The following GSK3B variants were observed in gnomAD, a reference collection of about 807,000 sequenced individuals.
GSK3B encodes the protein glycogen synthase kinase-3 beta.
In GSK3B, 15 loss-of-function variants were observed where a neutral mutation model predicts 56.4. The ratio of observed to expected loss-of-function variants is 0.27; its 90% CI spans 0.18 to 0.41. The LOEUF (loss-of-function observed/expected upper bound fraction) is 0.41, where lower values mean the gene tolerates loss of function less well. Among genes scored for constraint, GSK3B ranks in the 10% least tolerant of loss-of-function variants. The probability of loss-of-function intolerance (pLI) is 1.00; values close to 1 mark genes in which losing one functional copy is unlikely to be tolerated. For missense variants in GSK3B, 300 were observed against 513.4 expected, an observed-to-expected ratio of 0.58 and a Z score of 4.02; for synonymous variants, 181 against 188.9, an observed-to-expected ratio of 0.96 and a Z score of 0.34.
intron 2 of GSK3B, among the ~76,000 whole-genome samples, chr3:119,986,246 A>G (rs1189358995): frequency 6.6e-6 from 1 of 152,200 alleles, no homozygotes; most frequent in Non-Finnish European, 1.5e-5. Flanking sequence ...AAGAAAACCT[A>G]GGCAATATCA....
At chr3:119,982,249 G>A (rs181492494) in intron 2 of GSK3B, among the ~76,000 whole-genome samples, 29 of 152,274 alleles carry the variant, frequency 1.9e-4, no homozygotes, top group African/African-American at 6.5e-4. Context: ...AAACCACAAA[G>A]ATGAGGAGAA....
intron 7 of GSK3B, among the ~76,000 whole-genome samples, chr3:119,899,169 C>A (rs1405065045): frequency 6.6e-6 from 1 of 152,094 alleles, no homozygotes; most frequent in African/African-American, 2.4e-5. Flanking sequence ...CATGGATATA[C>A]TGGACAAAGG....
intron 9 of GSK3B, among the ~76,000 whole-genome samples, chr3:119,846,208 C>CT (rs1288509999): frequency 5.3e-5 from 8 of 152,124 alleles, no homozygotes; most frequent in Non-Finnish European, 1.0e-4. Context: ...AGAAGGAAAC[C>CT]TAGGCAATAT....
chr3:120,052,958 A>G (rs1347355603), intron 1 of GSK3B, among the ~76,000 whole-genome samples: 1 of 152,178 alleles, frequency 6.6e-6, no homozygotes, highest in East Asian at 1.9e-4. Flanking sequence ...TCAAGGTCAG[A>G]GTTCGTAAGT....
At chr3:119,889,207 C>G (rs1044305505) in intron 7 of GSK3B, among the ~76,000 whole-genome samples, 2 of 151,978 alleles carry the variant, frequency 1.3e-5, no homozygotes, top group African/African-American at 4.8e-5. Context: ...GTGGGCATCA[C>G]GGTTCTACTG....
At position 119,823,013 on chromosome 3, in the gene GSK3B, CA is replaced by C. The variant is rs1388625607; in HGVS notation, c.*3774del. On this transcript the variant is annotated 3_prime_UTR_variant, in exon 11 of 11. Coordinates refer to ENST00000264235, the MANE Select transcript of GSK3B (RefSeq NM_001146156.2). ...ACTGGTTAGGCATACATTGTTAAAA[CA>C]TAAACCAAAAATGTGTCTAAAAATT... The C allele has an allele frequency of 4.4e-6, 1 of 229,684 alleles. No homozygotes were observed. Among genetic ancestry groups the C allele is most frequent in the Non-Finnish European group, 8.6e-6 (1 of 115,962 alleles). 14.2% of individuals were successfully genotyped at this position (229,684 alleles called of 1,614,324 possible). A position where few individuals can be genotyped will look rare whatever the true frequency, so the allele number is the denominator to read the frequency against.
intron 1 of GSK3B, among the ~76,000 whole-genome samples, chr3:120,074,111 C>T (rs1393898704): frequency 2.0e-5 from 3 of 152,012 alleles, no homozygotes; most frequent in Non-Finnish European, 4.4e-5. Context: ...TCAAGACCAG[C>T]TTGGGCAACA....
intron 10 of GSK3B, among the ~76,000 whole-genome samples, chr3:119,834,734 C>A (rs2055663624): frequency 6.6e-6 from 1 of 152,146 alleles, no homozygotes. Context: ...CTGAGGAACA[C>A]TTCAGGGACA....
chr3:120,094,097 C>A lies in GSK3B; in HGVS notation c.-663G>T, dbSNP rs1011772410. The A allele has an allele frequency of 2.6e-5, 6 of 228,560 alleles. No homozygotes were observed. The highest frequency in any genetic ancestry group is 1.3e-4 in the African/African-American group (6 of 44,446). The allele number at this position is 228,560 out of a possible 1,614,324, so 14.2% of individuals were successfully genotyped here. On this transcript the variant is annotated 5_prime_UTR_variant, in exon 1 of 11. Transcript: ENST00000264235. ...TTGCGCCAGGAGCAGCTGCAGGCGG[C>A]GGCTGGATCCAGCGGCCATGGCGGT...
chr3:120,086,383 G>A (rs1170192832), intron 1 of GSK3B, among the ~76,000 whole-genome samples: 1 of 152,202 alleles, frequency 6.6e-6, no homozygotes, highest in African/African-American at 2.4e-5. Flanking sequence ...GAATCAGACA[G>A]AGGTGACCCA....
At chr3:120,083,487 T>C (rs534485834) in intron 1 of GSK3B, among the ~76,000 whole-genome samples, 32 of 152,138 alleles carry the variant, frequency 2.1e-4, no homozygotes, top group African/African-American at 7.5e-4. Flanking sequence ...ATTGAGATTA[T>C]AATTATTACA....
chr3:119,936,349 TATATA>T, intron 3 of GSK3B, among the ~76,000 whole-genome samples: 1 of 99,496 alleles, frequency 1.0e-5, no homozygotes, highest in Non-Finnish European at 1.8e-5. Flanking sequence ...TATATATATA[TATATA>T]TTTTTTTTTT....
intron 1 of GSK3B, among the ~76,000 whole-genome samples, chr3:120,042,537 T>A (rs1327783359): frequency 6.6e-6 from 1 of 152,162 alleles, no homozygotes; most frequent in East Asian, 1.9e-4. Context: ...CCCAAATTAA[T>A]CAGAGATGCC....
intron 7 of GSK3B, among the ~76,000 whole-genome samples, chr3:119,880,942 T>G (rs1384807316): frequency 1.3e-5 from 2 of 152,150 alleles, no homozygotes; most frequent in African/African-American, 4.8e-5. Context: ...TGTTTATAAG[T>G]GTATACCTTC....
intron 10 of GSK3B, among the ~76,000 whole-genome samples, chr3:119,830,059 G>C (rs1029884371): frequency 2.0e-5 from 3 of 152,070 alleles, no homozygotes; most frequent in Non-Finnish European, 4.4e-5. Context: ...TACAGAGAGG[G>C]AAAAAGTAAA....
At chr3:120,040,524 C>T (rs2058057374) in intron 1 of GSK3B, among the ~76,000 whole-genome samples, 2 of 152,054 alleles carry the variant, frequency 1.3e-5, no homozygotes, top group Admixed American at 6.5e-5. Flanking sequence ...ATCACTGATA[C>T]AAAGGATTGA....
chr3:119,952,563 T>A (rs1402738123), intron 2 of GSK3B, among the ~76,000 whole-genome samples: 3 of 130,562 alleles, frequency 2.3e-5, no homozygotes, highest in Admixed American at 7.4e-5. Context: ...AACACAGGGA[T>A]CAACATCTAA....
chr3:119,934,219 A>G (rs1354934035), intron 3 of GSK3B, among the ~76,000 whole-genome samples: 1 of 152,194 alleles, frequency 6.6e-6, no homozygotes, highest in African/African-American at 2.4e-5. Context: ...TTTTACAGTC[A>G]AGAAAACTAA....
At chr3:119,848,497 C>G (rs2055886399) in intron 9 of GSK3B, among the ~76,000 whole-genome samples, 1 of 152,094 alleles carries the variant, frequency 6.6e-6, no homozygotes, top group Admixed American at 6.6e-5. Flanking sequence ...AATTCAGCAT[C>G]TAGTACATTC....
Sources: gnomAD v4.1 joint callset for allele counts (sites outside exome capture counted in the v4.1 genomes callset) on GRCh38, gnomAD v4.1.1 for gene constraint, MANE v1.5 for transcripts, NCBI Gene and HGNC (gene_info 2026-07-23, HGNC 2026-07-21) for gene names.